GRM8: variants seen among roughly 807,000 people sequenced by gnomAD.
The protein encoded by GRM8 is glutamate metabotropic receptor 8, also known as metabotropic glutamate receptor 8.
A neutral mutation model predicts 87.2 loss-of-function variants in GRM8; 47 were observed. The ratio of observed to expected loss-of-function variants is 0.54; its 90% confidence interval spans 0.43 to 0.69. The LOEUF is 0.69. GRM8 is among the 30% of genes least tolerant of loss of function. The probability of loss-of-function intolerance (pLI) is 0.00; values close to 1 mark genes in which losing one functional copy is unlikely to be tolerated. For missense variants in GRM8, 1,019 were observed against 1,139.2 expected, an observed-to-expected ratio of 0.89 and a Z score of 1.52; for synonymous variants, 396 against 404.5, an observed-to-expected ratio of 0.98 and a Z score of 0.25.
intron 8 of GRM8, among the ~76,000 whole-genome samples, chr7:126,540,671 G>A (rs568431115): frequency 6.6e-6 from 1 of 152,230 alleles, no homozygotes; most frequent in Admixed American, 6.5e-5. Context: ...AGAAATGAAA[G>A]CAGCTAATCA....
intron 6 of GRM8, among the ~76,000 whole-genome samples, chr7:126,812,289 T>C (rs1351258169): frequency 3.3e-5 from 5 of 151,970 alleles, no homozygotes; most frequent in Non-Finnish European, 7.4e-5. Context: ...GAGAAATGCA[T>C]TGTTAGATAA....
chr7:126,650,191 G>A lies in GRM8; in HGVS notation c.1358-40693C>T, dbSNP rs117231276. Among the ~76,000 whole-genome samples the A allele has an allele frequency of 2.5e-3, 373 of 152,240 alleles. 1 individual carries two copies. The highest frequency in any genetic ancestry group is 4.0e-3 in the Non-Finnish European group (271 of 68,018). ...TGTCCACAGCATTCCATCATCAAAT[G>A]GAAGTAGTATATATGTGATTGGGTT... is the stretch of plus-strand genomic sequence containing the variant. On this transcript the variant is annotated intron_variant, in intron 7 of 10. Transcript: ENST00000339582.
chr7:126,533,186 A>C lies in GRM8; in HGVS notation c.2196T>G (p.Asp732Glu). 1 of 1,612,880 alleles carries C rather than the reference A, an allele frequency of 6.2e-7. No individual in the cohort carries two copies. The highest frequency in any genetic ancestry group is 1.1e-5 in the South Asian group (1 of 90,978). Residue 732 changes from aspartate (D) to glutamate (E), a missense_variant, in exon 9 of 11, where the codon GAT becomes GAG. Coordinates refer to ENST00000339582, the MANE Select transcript of GRM8 (RefSeq NM_000845.3). ...TGAGCACTCCCCTGGCCTTCTCTGG[A>C]TCTAGTGTCCGCTGCTCTCCATAGT... is the stretch of plus-strand genomic sequence containing the variant. ...IIDYGEQRTL[D>E]PEKARGVLKC...
chr7:126,612,619 T>C (rs917744795), intron 7 of GRM8, among the ~76,000 whole-genome samples: 3 of 152,222 alleles, frequency 2.0e-5, no homozygotes, highest in African/African-American at 7.2e-5. Context: ...GATACTTTTT[T>C]AGAGCCTATT....
intron 2 of GRM8, among the ~76,000 whole-genome samples, chr7:127,156,006 T>C (rs1475343644): frequency 6.6e-6 from 1 of 152,156 alleles, no homozygotes; most frequent in Non-Finnish European, 1.5e-5. Context: ...GAGCCCATTG[T>C]TGTAAGATGT....
chr7:126,866,168 G>A (rs1016117540), intron 6 of GRM8, among the ~76,000 whole-genome samples: 2 of 152,146 alleles, frequency 1.3e-5, no homozygotes, highest in African/African-American at 4.8e-5. Context: ...TCAGTTCCCT[G>A]GTGACTAATG....
intron 3 of GRM8, among the ~76,000 whole-genome samples, chr7:126,913,825 T>TAC (rs1803562615): frequency 6.6e-6 from 1 of 152,196 alleles, no homozygotes; most frequent in African/African-American, 2.4e-5. Context: ...AAACTGTAAG[T>TAC]TTATCAGCTT....
intron 3 of GRM8, among the ~76,000 whole-genome samples, chr7:126,930,150 AG>A (rs1354380934): frequency 6.6e-6 from 1 of 152,204 alleles, no homozygotes; most frequent in Admixed American, 6.5e-5. Context: ...AGGAGACAAC[AG>A]TGATTAAGAA....
chr7:127,052,537 G>T (rs1819594205), intron 3 of GRM8, among the ~76,000 whole-genome samples: 1 of 152,226 alleles, frequency 6.6e-6, no homozygotes, highest in Non-Finnish European at 1.5e-5. Flanking sequence ...ACATAGACAA[G>T]CAGTGTAGGA....
chr7:127,077,740 TCTTAA>T lies in GRM8; in HGVS notation c.727+28751_727+28755del, dbSNP rs377148643. 6.6e-4 allele frequency among the ~76,000 whole-genome samples: 100 copies of T among 152,336 alleles called. 1 individual carries two copies. The East Asian group carries it at 0.012, about 19-fold the overall frequency. On this transcript the variant is annotated intron_variant, in intron 3 of 10. Transcript: ENST00000339582. Reference sequence around the variant, plus strand: ...CTTGGTAACTCAAGTTTTACCATCTTCTTAACTTATTTTTACTCTTCTTTCTCATT... The same window carrying T: ...CTTGGTAACTCAAGTTTTACCATCTTCTTATTTTTACTCTTCTTTCTCATT...
intron 6 of GRM8, among the ~76,000 whole-genome samples, chr7:126,861,716 C>G (rs1563258573): frequency 6.6e-6 from 1 of 151,794 alleles, no homozygotes. Context: ...CTCCTTGTTC[C>G]CATTCTTGAG....
At chr7:126,664,481 C>T (rs955035172) in intron 7 of GRM8, among the ~76,000 whole-genome samples, 1 of 151,938 alleles carries the variant, frequency 6.6e-6, no homozygotes, top group East Asian at 1.9e-4. Flanking sequence ...GAAATAAAGT[C>T]ATCCAATCTT....
intron 2 of GRM8, chr7:127,229,993 A>T (rs1797581961): frequency 6.6e-6 from 1 of 152,222 alleles, no homozygotes; most frequent in Non-Finnish European, 1.5e-5. Context: ...CAAGATATGC[A>T]TGTGGCAAAT....
At chr7:126,560,367 T>C (rs1344359136) in intron 8 of GRM8, among the ~76,000 whole-genome samples, 4 of 152,180 alleles carry the variant, frequency 2.6e-5, no homozygotes, top group Non-Finnish European at 4.4e-5. Context: ...ATATAAAAAT[T>C]ACTGTATTCT....
chr7:126,978,782 T>C (rs1312521679), intron 3 of GRM8, among the ~76,000 whole-genome samples: 1 of 152,162 alleles, frequency 6.6e-6, no homozygotes, highest in Non-Finnish European at 1.5e-5. Flanking sequence ...CAAAAGACTT[T>C]CTCTCATAAA....
At position 126,720,877 on chromosome 7, in the gene GRM8, G is replaced by A. The variant is rs139624282; in HGVS notation, c.1357+48988C>T. On this transcript the variant is annotated intron_variant, in intron 7 of 10. Coordinates refer to ENST00000339582, the MANE Select transcript of GRM8 (RefSeq NM_000845.3). ...TTGGCATCTCTAAGAAGAGTATGGG[G>A]AGACTCAGAGCTTTCAGATGGCTTT... 3.1e-4 allele frequency among the ~76,000 whole-genome samples: 47 copies of A among 152,310 alleles called. No individual in the cohort carries two copies. The East Asian group carries it at 8.1e-3, about 26-fold the overall frequency.
chr7:126,567,522 C>G (rs145474268), intron 8 of GRM8, among the ~76,000 whole-genome samples: 2,220 of 152,100 alleles, frequency 0.015, 42 homozygotes, highest in African/African-American at 0.039. Flanking sequence ...CAAACCTGCA[C>G]GTTGTGCACA....
intron 3 of GRM8, among the ~76,000 whole-genome samples, chr7:126,958,780 A>T (rs1003036): frequency 0.44 from 66,299 of 151,968 alleles, 14,848 homozygotes; most frequent in East Asian, 0.67. Context: ...GAATAATCTA[A>T]AGGGAAAAGA....
chr7:126,731,387 G>A (rs929909205), intron 7 of GRM8, among the ~76,000 whole-genome samples: 3 of 151,966 alleles, frequency 2.0e-5, no homozygotes, highest in Non-Finnish European at 2.9e-5. Flanking sequence ...CACCTTTTGC[G>A]TTTCCTGATT....
Sources: allele counts gnomAD v4.1 joint callset (sites outside exome capture counted in the v4.1 genomes callset), GRCh38; gene constraint gnomAD v4.1.1; transcripts MANE v1.5; gene names NCBI Gene and HGNC (gene_info 2026-07-23, HGNC 2026-07-21).